MORN3: variants seen among roughly 807,000 people sequenced by gnomAD.
MORN3 encodes MORN repeat containing 3.
A neutral mutation model predicts 34.7 loss-of-function variants in MORN3; 38 were observed. The ratio of observed to expected loss-of-function variants is 1.10; its 90% CI spans 0.85 to 1.44. The LOEUF (loss-of-function observed/expected upper bound fraction) is 1.44, where lower values mean the gene tolerates loss of function less well. MORN3 is among the 40% of genes most tolerant of loss of function. The probability of loss-of-function intolerance (pLI) is 0.00; values close to 1 mark genes in which losing one functional copy is unlikely to be tolerated. For missense variants in MORN3, 311 were observed against 321.7 expected, an observed-to-expected ratio of 0.97 and a Z score of 0.25; for synonymous variants, 109 against 115.3, an observed-to-expected ratio of 0.95 and a Z score of 0.35.
intron 5 of MORN3, among the ~76,000 whole-genome samples, chr12:121,652,353 C>A (rs1893276664): frequency 6.6e-6 from 1 of 152,156 alleles, no homozygotes; most frequent in African/African-American, 2.4e-5. Context: ...CCTGCCTCAG[C>A]CTCTCGAGTA....
chr12:121,661,595 G>A (rs773526725), intron 1 of MORN3, among the ~76,000 whole-genome samples: 2 of 152,040 alleles, frequency 1.3e-5, no homozygotes, highest in African/African-American at 4.8e-5. Context: ...CTTATGGGGG[G>A]GCTGGGCGCA....
In MORN3 at chr12:121,669,579, G is replaced by A; in HGVS notation, c.-96C>T. On this transcript the variant is annotated 5_prime_UTR_variant, in exon 1 of 6. Coordinates refer to ENST00000355329, the MANE Select transcript of MORN3 (RefSeq NM_173855.5). ...TGTAATGCCGGGATCCTGAGCTCAA[G>A]TGGGGAGAGTCATGTGTGTTCTGAG... is the stretch of plus-strand genomic sequence containing the variant. 3 of 1,527,468 alleles carry A rather than the reference G, an allele frequency of 2.0e-6. No individual in the cohort carries two copies. Among genetic ancestry groups the A allele is most frequent in the South Asian group, 1.1e-5 (1 of 87,018 alleles). The allele number at this position is 1,527,468 out of a possible 1,614,324, so 94.6% of individuals were successfully genotyped here. A position where few individuals can be genotyped will look rare whatever the true frequency, so the allele number is the denominator to read the frequency against.
rs1555324945 is a variant in MORN3 at position 121,650,548 on chromosome 12, A to AAAG, written c.*1100_*1102dup. On this transcript the variant is annotated 3_prime_UTR_variant, in exon 6 of 6. Transcript: ENST00000355329. ...TCAAAAAAAAAAAAAAAAAAAAAAA[A>AAAG]AAGGCCAGGCTCGATGGCTCACACC... The AAAG allele has an allele frequency of 7.2e-6, 1 of 139,692 alleles. No individual in the cohort carries two copies. The highest frequency in any genetic ancestry group is 1.5e-5 in the Non-Finnish European group (1 of 65,670). 8.7% of individuals were successfully genotyped at this position (139,692 alleles called of 1,614,324 possible).
chr12:121,656,979 G>A (rs1378703090), intron 2 of MORN3, among the ~76,000 whole-genome samples: 1 of 152,076 alleles, frequency 6.6e-6, no homozygotes, highest in Non-Finnish European at 1.5e-5. Context: ...TGAAACCCTG[G>A]GCTCTACCAC....
chr12:121,669,813 CATATAT>C (rs750751662), upstream of MORN3, among the ~76,000 whole-genome samples: 6 of 136,002 alleles, frequency 4.4e-5, no homozygotes, highest in Non-Finnish European at 6.1e-5. Context: ...GTCATATATA[CATATAT>C]ATATATATAT....
chr12:121,669,816 A>ATATG (rs1278997686), upstream of MORN3, among the ~76,000 whole-genome samples: 2 of 115,850 alleles, frequency 1.7e-5, no homozygotes, highest in Non-Finnish European at 3.5e-5. Context: ...ATATATACAT[A>ATATG]TATATATATA....
chr12:121,655,021 C>T (rs983790858), intron 2 of MORN3, among the ~76,000 whole-genome samples: 3 of 152,062 alleles, frequency 2.0e-5, no homozygotes, highest in Admixed American at 2.0e-4. Flanking sequence ...CCCCACCACA[C>T]CATGCGCCAT....
chr12:121,668,315 G>A (rs929669344), intron 1 of MORN3, among the ~76,000 whole-genome samples: 1 of 151,936 alleles, frequency 6.6e-6, no homozygotes, highest in African/African-American at 2.4e-5. Flanking sequence ...GGCCGAGGCG[G>A]GCGGATCACT....
intron 2 of MORN3, 144 bp from the exon 3 acceptor site, chr12:121,654,577 AG>A: frequency 1.2e-6 from 1 of 866,288 alleles, no homozygotes; most frequent in Non-Finnish European, 1.7e-6. Flanking sequence ...GTCGTGTCTT[AG>A]CGGAGTATCC....
rs1180165852 is a variant in MORN3, at chr12:121,652,627, G to T, written c.*6+101C>A. On this transcript the variant is annotated intron_variant, in intron 5 of 5. Transcript: ENST00000355329. ...CGATGGTCTTGCTCCCCCACTCCCC[G>T]ACCCCAAGCCCTTTGGAGACCCCAG... is the stretch of plus-strand genomic sequence containing the variant. The T allele has an allele frequency of 4.5e-6, 5 of 1,103,418 alleles. No homozygotes were observed. The African/African-American group carries it at 4.6e-5, about 10-fold the overall frequency. The allele number at this position is 1,103,418 out of a possible 1,614,324, so 68.4% of individuals were successfully genotyped here. A position where few individuals can be genotyped will look rare whatever the true frequency, so the allele number is the denominator to read the frequency against.
At position 121,652,819 on chromosome 12, in the gene MORN3, AT is replaced by A; in HGVS notation, c.649-12del. On this transcript the variant is annotated splice_polypyrimidine_tract_variant and intron_variant, in intron 4 of 5. Transcript: ENST00000355329. ...GTCTAGGATTTTGACCTGGAGGGAAATACCAAGAAGTTGGTTTGGAGAGCAT... is the reference window on the plus strand; with the variant it reads ...GTCTAGGATTTTGACCTGGAGGGAAAACCAAGAAGTTGGTTTGGAGAGCAT... 7 of 1,614,174 alleles carry A rather than the reference AT, an allele frequency of 4.3e-6. No individual in the cohort carries two copies. Among genetic ancestry groups the A allele is most frequent in the Non-Finnish European group, 5.9e-6 (7 of 1,180,006 alleles).
In MORN3 at chr12:121,659,335, C is replaced by T. The variant is rs953922589; in HGVS notation, c.159G>A (p.Gln53=). The T allele has an allele frequency of 6.2e-7, 1 of 1,613,732 alleles. No individual in the cohort carries two copies. Among genetic ancestry groups the T allele is most frequent in the African/African-American group, 1.3e-5 (1 of 74,868 alleles). Reference sequence around the variant, plus strand: ...AGATGGCTCCTTTCTTCTTCCAGACCTGTGTTCCTTTCCCTGGTGACACAC... The same window carrying T: ...AGATGGCTCCTTTCTTCTTCCAGACTTGTGTTCCTTTCCCTGGTGACACAC... ...KDNVKHGKGT[Q]VWKKKGAIYE... Residue 53 remains glutamine, a synonymous_variant, in exon 2 of 6, where the codon CAG becomes CAA. Transcript: ENST00000355329.
upstream of MORN3, among the ~76,000 whole-genome samples, chr12:121,669,836 T>TATATATATATATATATATATATA (rs1566488493): frequency 1.6e-5 from 2 of 126,820 alleles, no homozygotes; most frequent in Admixed American, 7.9e-5. Flanking sequence ...ATATATATTT[T>TATATATATATATATATATATATA]TTTTTTTATG....
Position 121,659,303 on chromosome 12 carries a change from C to T in MORN3, c.191G>A (p.Gly64Glu). The change falls in exon 2 of 6, where the codon GGG becomes GAG. Residue 64 changes from glycine (G) to glutamate (E), a missense_variant. Physicochemically the swap from Gly to Glu is moderately conservative, Grantham distance 98. Coordinates refer to ENST00000355329, the MANE Select transcript of MORN3 (RefSeq NM_173855.5). Reference protein sequence around the residue: ...VWKKKGAIYEGDWKFGKRDGY... With the variant: ...VWKKKGAIYEEDWKFGKRDGY... Reference sequence around the variant, plus strand: ...GTCTCGCTTCCCAAACTTCCAGTCCCCCTCATAGATGGCTCCTTTCTTCTT... The same window carrying T: ...GTCTCGCTTCCCAAACTTCCAGTCCTCCTCATAGATGGCTCCTTTCTTCTT... 1.2e-6 allele frequency: 2 copies of T among 1,614,032 alleles called. No individual in the cohort carries two copies. Among genetic ancestry groups the T allele is most frequent in the African/African-American group, 1.3e-5 (1 of 74,982 alleles).
At chr12:121,665,625 C>T (rs1893729660) in intron 1 of MORN3, among the ~76,000 whole-genome samples, 1 of 151,060 alleles carries the variant, frequency 6.6e-6, no homozygotes. Flanking sequence ...ATTAGCTGGG[C>T]TTGGTGGCGT....
At chr12:121,661,591 G>C (rs367999863) in intron 1 of MORN3, among the ~76,000 whole-genome samples, 1 of 151,934 alleles carries the variant, frequency 6.6e-6, no homozygotes, top group Non-Finnish European at 1.5e-5. Flanking sequence ...ATATCTTATG[G>C]GGGGGCTGGG....
At chr12:121,655,392 T>C (rs1156548416) in intron 2 of MORN3, among the ~76,000 whole-genome samples, 2 of 151,474 alleles carry the variant, frequency 1.3e-5, no homozygotes, top group African/African-American at 4.9e-5. Context: ...CCCACTCTTA[T>C]TTTGACCCAG....
chr12:121,669,813 C>CATATATATATATATAATATATATATAT (rs1555327000), upstream of MORN3, among the ~76,000 whole-genome samples: 1 of 136,028 alleles, frequency 7.4e-6, no homozygotes, highest in African/African-American at 2.9e-5. Flanking sequence ...GTCATATATA[C>CATATATATATATATAATATATATATAT]ATATATATAT....
intron 3 of MORN3, among the ~76,000 whole-genome samples, chr12:121,653,898 G>A (rs1377158644): frequency 2.0e-5 from 3 of 151,966 alleles, no homozygotes; most frequent in African/African-American, 7.3e-5. Flanking sequence ...TCACAATGCT[G>A]TGCAACCATT....
Sources: gnomAD v4.1 joint callset for allele counts (sites outside exome capture counted in the v4.1 genomes callset) on GRCh38, gnomAD v4.1.1 for gene constraint, MANE v1.5 for transcripts, NCBI Gene and HGNC (gene_info 2026-07-23, HGNC 2026-07-21) for gene names.